Variants in KCNMA1 observed in about 807,000 individuals in gnomAD.
KCNMA1 encodes potassium calcium-activated channel subfamily M alpha 1.
A neutral mutation model predicts 140.0 loss-of-function variants in KCNMA1; 29 were observed. The ratio of observed to expected loss-of-function variants is 0.21; its 90% CI spans 0.15 to 0.28. KCNMA1 has a LOEUF of 0.28. KCNMA1 is among the 10% of genes least tolerant of loss of function. The pLI, the probability that KCNMA1 is intolerant of heterozygous loss-of-function variation, is 1.00. For missense variants in KCNMA1, 880 were observed against 1,602.2 expected (o/e 0.55, Z 7.70); for synonymous variants, 612 against 611.9 (o/e 1.00, Z 0.00).
At chr10:77,441,368 G>A (rs765646539) in intron 1 of KCNMA1, among the ~76,000 whole-genome samples, 2 of 152,044 alleles carry the variant, frequency 1.3e-5, no homozygotes, top group Non-Finnish European at 2.9e-5. Flanking sequence ...CCAAAGTGTT[G>A]GCCAAGGAGT....
At chr10:77,422,318 G>A (rs1752885806) in intron 1 of KCNMA1, among the ~76,000 whole-genome samples, 1 of 152,206 alleles carries the variant, frequency 6.6e-6, no homozygotes, top group African/African-American at 2.4e-5. Flanking sequence ...TTAGGTTGGA[G>A]CATAAGAATT....
chr10:77,607,557 G>A (rs1431108341), intron 1 of KCNMA1, among the ~76,000 whole-genome samples: 2 of 152,158 alleles, frequency 1.3e-5, no homozygotes, highest in African/African-American at 4.8e-5. Flanking sequence ...AAAGAGGGAG[G>A]TAGAGGGAGA....
At chr10:77,410,266 C>T (rs2096589716) in intron 1 of KCNMA1, among the ~76,000 whole-genome samples, 1 of 152,186 alleles carries the variant, frequency 6.6e-6, no homozygotes, top group Non-Finnish European at 1.5e-5. Flanking sequence ...GCCACACCTG[C>T]TCTCACCCGG....
intron 5 of KCNMA1, among the ~76,000 whole-genome samples, chr10:77,155,691 T>G (rs564165006): frequency 5.9e-5 from 9 of 151,986 alleles, no homozygotes; most frequent in Non-Finnish European, 1.0e-4. Flanking sequence ...CGATCTGAAC[T>G]AAAACAATAA....
At position 77,090,524 on chromosome 10, in the gene KCNMA1, G is replaced by A. The variant is rs375480325; in HGVS notation, c.1224-14C>T. The A allele has an allele frequency of 7.0e-6, 11 of 1,571,676 alleles. No individual in the cohort carries two copies. The African/African-American group carries it at 1.5e-4, about 21-fold the overall frequency. ...ACCACAATGTGCCTGAACAGGAGAG[G>A]CCAGTTAGATCAGGCCAGGCACCAC... is the stretch of plus-strand genomic sequence containing the variant. On this transcript the variant is annotated splice_polypyrimidine_tract_variant and intron_variant, in intron 9 of 27. Coordinates refer to ENST00000286628, the MANE Select transcript of KCNMA1 (RefSeq NM_001161352.2).
intron 1 of KCNMA1, among the ~76,000 whole-genome samples, chr10:77,517,927 T>C (rs2051182094): frequency 6.6e-6 from 1 of 152,042 alleles, no homozygotes; most frequent in African/African-American, 2.4e-5. Flanking sequence ...TGGTGACAAA[T>C]GCCCCAGAGA....
chr10:77,094,103 AATGGTAAGTGCC>A (rs2096874805), intron 9 of KCNMA1, among the ~76,000 whole-genome samples: 1 of 152,198 alleles, frequency 6.6e-6, no homozygotes, highest in African/African-American at 2.4e-5. Flanking sequence ...AGCACTATGA[AATGGTAAGTGCC>A]ATATGGTATC....
intron 5 of KCNMA1, among the ~76,000 whole-genome samples, chr10:77,159,724 A>G (rs2098533970): frequency 6.6e-6 from 1 of 151,078 alleles, no homozygotes; most frequent in South Asian, 2.1e-4. Flanking sequence ...CCAGAACACC[A>G]CCTCCTTTTG....
chr10:76,937,788 G>T (rs1212827044), intron 23 of KCNMA1, among the ~76,000 whole-genome samples: 1 of 152,154 alleles, frequency 6.6e-6, no homozygotes, highest in Non-Finnish European at 1.5e-5. Flanking sequence ...TTCCCTACTT[G>T]AGGCTCTTAA....
At chr10:76,915,780 G>A (rs1564883503) in intron 23 of KCNMA1, among the ~76,000 whole-genome samples, 1 of 152,072 alleles carries the variant, frequency 6.6e-6, no homozygotes, top group Non-Finnish European at 1.5e-5. Flanking sequence ...GGGGCTTTCA[G>A]GAAGTGTTTC....
chr10:77,500,261 TAATA>T lies in KCNMA1; in HGVS notation c.379-96242_379-96239del, dbSNP rs574309365. ...AGTATTAACTATATGCAATAATATATAATAAATAAATATATAAAATTATACACTG... is the reference window on the plus strand; with the variant it reads ...AGTATTAACTATATGCAATAATATATAATAAATATATAAAATTATACACTG... On this transcript the variant is annotated intron_variant, in intron 1 of 27. Coordinates refer to ENST00000286628, the MANE Select transcript of KCNMA1 (RefSeq NM_001161352.2). Among the ~76,000 whole-genome samples, 9 of 150,584 alleles carry T rather than the reference TAATA, an allele frequency of 6.0e-5. No individual in the cohort carries two copies. The East Asian group carries it at 1.6e-3, about 26-fold the overall frequency.
chr10:77,568,304 T>C (rs1305991572), intron 1 of KCNMA1, among the ~76,000 whole-genome samples: 1 of 152,048 alleles, frequency 6.6e-6, no homozygotes, highest in Non-Finnish European at 1.5e-5. Context: ...TAGACCAATA[T>C]CCTTGATGAA....
chr10:77,068,198 T>C (rs2096034742), intron 14 of KCNMA1, among the ~76,000 whole-genome samples: 1 of 152,208 alleles, frequency 6.6e-6, no homozygotes, highest in African/African-American at 2.4e-5. Flanking sequence ...GTATGGTCAT[T>C]GTGAGAATTA....
chr10:76,941,022 A>AAGGAAGGAAGGAAGGAAGGAAGG (rs1565058483), intron 23 of KCNMA1, among the ~76,000 whole-genome samples: 2 of 45,512 alleles, frequency 4.4e-5, no homozygotes, highest in African/African-American at 7.7e-5. Flanking sequence ...AGGAAGGAAG[A>AAGGAAGGAAGGAAGGAAGGAAGG]AAGAAAGAAA....
chr10:77,573,285 C>T (rs903900500), intron 1 of KCNMA1, among the ~76,000 whole-genome samples: 3 of 152,094 alleles, frequency 2.0e-5, no homozygotes, highest in Non-Finnish European at 2.9e-5. Context: ...TGGGCCTCCC[C>T]GGGAGCCATG....
At chr10:77,596,408 C>G (rs2080945981) in intron 1 of KCNMA1, among the ~76,000 whole-genome samples, 1 of 152,190 alleles carries the variant, frequency 6.6e-6, no homozygotes, top group South Asian at 2.1e-4. Context: ...TGAAGTGCAA[C>G]AGATGGGACA....
intron 13 of KCNMA1, among the ~76,000 whole-genome samples, chr10:77,074,155 C>A (rs969147726): frequency 1.3e-5 from 2 of 152,140 alleles, no homozygotes; most frequent in African/African-American, 4.8e-5. Flanking sequence ...ATGAGAAGAC[C>A]TAGCTTGGCA....
At chr10:77,392,355 G>A (rs181450119) in intron 2 of KCNMA1, among the ~76,000 whole-genome samples, 231 of 152,174 alleles carry the variant, frequency 1.5e-3, no homozygotes, top group African/African-American at 5.3e-3. Flanking sequence ...TCACATATTT[G>A]CCCAGGCCCC....
chr10:77,572,605 A>ATATATAT (rs2072036710), intron 1 of KCNMA1, among the ~76,000 whole-genome samples: 1 of 41,854 alleles, frequency 2.4e-5, no homozygotes, highest in East Asian at 6.1e-4. Flanking sequence ...TATATATATA[A>ATATATAT]ATTAGCTGGG....
Sources: gnomAD v4.1 joint callset for allele counts (sites outside exome capture counted in the v4.1 genomes callset) on GRCh38, gnomAD v4.1.1 for gene constraint, MANE v1.5 for transcripts, NCBI Gene and HGNC (gene_info 2026-07-23, HGNC 2026-07-21) for gene names.